NHSL1: variants seen among roughly 807,000 people sequenced by gnomAD.
NHSL1 encodes the protein NHS like 1, also known as NHS-like protein 1.
Under a neutral mutation model 95.0 loss-of-function variants are expected in NHSL1, and 48 were observed. That is an observed-to-expected ratio of 0.51 (90% CI 0.40 to 0.64). The LOEUF is 0.64. NHSL1 is among the 30% of genes least tolerant of loss of function. The probability of loss-of-function intolerance (pLI) is 0.00; values close to 1 mark genes in which losing one functional copy is unlikely to be tolerated. For missense variants in NHSL1, 1,971 were observed against 2,077.7 expected, an observed-to-expected ratio of 0.95 and a Z score of 1.00; for synonymous variants, 783 against 833.9, an observed-to-expected ratio of 0.94 and a Z score of 1.05.
At chr6:138,499,627 T>C (rs1226745524), upstream of NHSL1, 1 of 225,948 alleles carries the variant, frequency 4.4e-6, no homozygotes, top group Admixed American at 5.0e-5. Flanking sequence ...TCAGTGCCCA[T>C]TCATTCAGTT....
Position 138,571,645 on chromosome 6 carries a change from T to A in NHSL1, c.202+65A>T, listed in dbSNP as rs150104397. ...GGCAAAAATCATGAAGGGGGAGTGA[T>A]AGAAACAAAGAATTCTACATAACAA... On this transcript the variant is annotated intron_variant, in intron 1 of 6. Transcript: ENST00000427025. 1.4e-5 allele frequency: 20 copies of A among 1,470,644 alleles called. No individual in the cohort carries two copies. In the East Asian group the frequency reaches 4.9e-4, roughly 36 times the overall value. 91.1% of individuals were successfully genotyped at this position (1,470,644 alleles called of 1,614,324 possible). A position where few individuals can be genotyped will look rare whatever the true frequency, so the allele number is the denominator to read the frequency against.
At chr6:138,444,646 C>T (rs916203956) in intron 4 of NHSL1, among the ~76,000 whole-genome samples, 4 of 151,674 alleles carry the variant, frequency 2.6e-5, no homozygotes, top group South Asian at 4.2e-4. Context: ...CTCACCCCAG[C>T]GAACGAGCAC....
chr6:138,546,427 C>CAAAAAAAAAA (rs1177720465), upstream of NHSL1, among the ~76,000 whole-genome samples: 3 of 50,948 alleles, frequency 5.9e-5, no homozygotes, highest in African/African-American at 1.3e-4. Context: ...CCCATCTCTA[C>CAAAAAAAAAA]AAAAAAAAAA....
chr6:138,527,143 C>T (rs947132652), intron 1 of NHSL1, among the ~76,000 whole-genome samples: 3 of 152,166 alleles, frequency 2.0e-5, no homozygotes, highest in Non-Finnish European at 4.4e-5. Flanking sequence ...GTCTCCTCCT[C>T]TTTATCCTAT....
intron 1 of NHSL1, among the ~76,000 whole-genome samples, chr6:138,509,891 T>C (rs1781138964): frequency 6.6e-6 from 1 of 152,176 alleles, no homozygotes; most frequent in Non-Finnish European, 1.5e-5. Context: ...TGTGTTTAAC[T>C]GAATAACAGA....
At chr6:138,504,187 A>G (rs572874989), upstream of NHSL1, among the ~76,000 whole-genome samples, 2 of 152,182 alleles carry the variant, frequency 1.3e-5, no homozygotes, top group Non-Finnish European at 2.9e-5. Flanking sequence ...GTGAGCTATG[A>G]TCATACCACT....
Position 138,431,902 on chromosome 6 carries a change from G to T in NHSL1, c.2443C>A (p.His815Asn). ...GVPTGNGPVR[H>N]VQEGSRATMP... is the part of the protein sequence containing the mutation. ...GTGGCTCTGGACCCTTCTTGGACAT[G>T]GCGGACTGGCCCGTTCCCAGTGGGC... The change falls in exon 6 of 8, where the codon CAT becomes AAT. Residue 815 changes from histidine (H) to asparagine (N), a missense_variant. Physicochemically the swap from His to Asn is moderately conservative, Grantham distance 68. Coordinates refer to ENST00000343505, the MANE Select transcript of NHSL1 (RefSeq NM_001144060.2). The surrounding 1 kb of genome is among the most constrained non-coding windows in gnomAD (Gnocchi z 4.0). 6.4e-7 allele frequency: 1 copy of T among 1,551,728 alleles called. No individual in the cohort carries two copies. The highest frequency in any genetic ancestry group is 8.7e-7 in the Non-Finnish European group (1 of 1,147,000).
chr6:138,682,004 G>T (rs769521626), intron 1 of NHSL1, among the ~76,000 whole-genome samples: 2 of 146,428 alleles, frequency 1.4e-5, no homozygotes, highest in Admixed American at 6.9e-5. Context: ...TTTCTGAGAC[G>T]GAGTTTTGAT....
intron 1 of NHSL1, among the ~76,000 whole-genome samples, chr6:138,577,664 C>T (rs1197000028): frequency 6.6e-6 from 1 of 152,130 alleles, no homozygotes; most frequent in Admixed American, 6.5e-5. Flanking sequence ...CATGAATCAC[C>T]CAGACAACCC....
At chr6:138,473,567 T>A (rs546040088) in intron 2 of NHSL1, 134 bp from the exon 3 acceptor site, 41 of 1,021,374 alleles carry the variant, frequency 4.0e-5, no homozygotes, top group South Asian at 2.9e-4. Context: ...TTTAAAATAA[T>A]GATAAAAACA....
intron 2 of NHSL1, among the ~76,000 whole-genome samples, chr6:138,482,687 C>T (rs1779500822): frequency 6.6e-6 from 1 of 152,090 alleles, no homozygotes. Flanking sequence ...GAGGCATCAA[C>T]ACCAGTTTCT....
intron 5 of NHSL1, among the ~76,000 whole-genome samples, chr6:138,437,421 C>T (rs1488969712): frequency 1.6e-4 from 5 of 32,028 alleles, no homozygotes; most frequent in African/African-American, 5.7e-4. Context: ...TATACACACA[C>T]ACACACACAC....
intron 1 of NHSL1, among the ~76,000 whole-genome samples, chr6:138,660,983 G>A (rs541996204): frequency 2.5e-4 from 38 of 152,162 alleles, no homozygotes; most frequent in African/African-American, 8.9e-4. Context: ...TCCCAGTTGG[G>A]ACTGGGGCTA....
At chr6:138,668,502 T>C (rs1785323177) in intron 1 of NHSL1, among the ~76,000 whole-genome samples, 1 of 151,988 alleles carries the variant, frequency 6.6e-6, no homozygotes, top group South Asian at 2.1e-4. Flanking sequence ...TCACCATATA[T>C]ACATTATCAA....
At chr6:138,504,447 C>T (rs574350116), upstream of NHSL1, among the ~76,000 whole-genome samples, 7 of 152,300 alleles carry the variant, frequency 4.6e-5, no homozygotes, top group Admixed American at 4.6e-4. Context: ...AAAATGATAA[C>T]ACACATCCAC....
At chr6:138,523,627 GAAAAAAAAA>G (rs67335375) in intron 1 of NHSL1, among the ~76,000 whole-genome samples, 11 of 64,936 alleles carry the variant, frequency 1.7e-4, no homozygotes, top group East Asian at 7.7e-4. Context: ...TTTTAAAGAG[GAAAAAAAAA>G]AAAAAAAAAA....
At chr6:138,546,427 C>CAAAAAAAAAAAAAAAAAA (rs1177720465), upstream of NHSL1, among the ~76,000 whole-genome samples, 7 of 50,950 alleles carry the variant, frequency 1.4e-4, no homozygotes, top group African/African-American at 4.4e-4. Context: ...CCCATCTCTA[C>CAAAAAAAAAAAAAAAAAA]AAAAAAAAAA....
rs777156294 is a variant in NHSL1, at chr6:138,606,702, CTTTTTTTT to C, written c.96+85766_96+85773del. ...GCTACTTCTTTTTCTTTCTTTCTTT[CTTTTTTTT>C]TTTTTTTTTTGAGACAGAATCTCAC... On this transcript the variant is annotated intron_variant, in intron 1 of 3. Coordinates refer to the NHSL1 transcript ENST00000491526. Among the ~76,000 whole-genome samples, 15 of 123,402 alleles carry C rather than the reference CTTTTTTTT, an allele frequency of 1.2e-4. No individual in the cohort carries two copies. The South Asian group carries it at 2.4e-3, about 20-fold the overall frequency. The allele number at this position is 123,402 out of a possible 152,430, so 81.0% of individuals were successfully genotyped here.
Position 138,681,709 on chromosome 6 carries a change from A to G in NHSL1, c.96+10767T>C, listed in dbSNP as rs1177064779. Among the ~76,000 whole-genome samples, 8 of 151,946 alleles carry G rather than the reference A, an allele frequency of 5.3e-5. No homozygotes were observed. The East Asian group carries it at 1.4e-3, about 26-fold the overall frequency. On this transcript the variant is annotated intron_variant, in intron 1 of 3. Transcript: ENST00000491526. ...GCATAACATACCCTCACTTAATTCT[A>G]TTTCCTTTTTTTTTACACATCGTGG...
Sources: allele counts gnomAD v4.1 joint callset (sites outside exome capture counted in the v4.1 genomes callset), GRCh38; gene constraint gnomAD v4.1.1; non-coding constraint Gnocchi (gnomAD v3.1); transcripts MANE v1.5; gene names NCBI Gene and HGNC (gene_info 2026-07-23, HGNC 2026-07-21).